The following SAMMSON variants were observed in gnomAD, a reference collection of about 807,000 sequenced individuals.
SAMMSON encodes long intergenic non-protein coding RNA 1212.
At chr3:70,366,492 G>GTTGT (rs1553659155) in intron 9 of SAMMSON, among the ~76,000 whole-genome samples, 1 of 100,758 alleles carries the variant, frequency 9.9e-6, no homozygotes, top group African/African-American at 3.6e-5. Flanking sequence ...GTGTTTTTAT[G>GTTGT]TTTTTTTTTT....
intron 2 of SAMMSON, among the ~76,000 whole-genome samples, chr3:70,426,928 T>C (rs959493315): frequency 1.3e-5 from 2 of 152,244 alleles, no homozygotes; most frequent in Non-Finnish European, 2.9e-5. Flanking sequence ...CATTTAACAT[T>C]TCTTAAATAA....
chr3:70,061,588 T>G (rs1172839139), intron 3 of SAMMSON, among the ~76,000 whole-genome samples: 1 of 152,044 alleles, frequency 6.6e-6, no homozygotes, highest in Non-Finnish European at 1.5e-5. Flanking sequence ...ATGTCTCCAG[T>G]TTGCCTCAAT....
intron 9 of SAMMSON, among the ~76,000 whole-genome samples, chr3:70,388,246 T>A (rs1030761944): frequency 6.6e-6 from 1 of 152,162 alleles, no homozygotes; most frequent in Admixed American, 6.6e-5. Flanking sequence ...AAATAACTTT[T>A]AATTAGAACA....
At chr3:70,299,897 A>G (rs756564337) in intron 7 of SAMMSON, among the ~76,000 whole-genome samples, 2 of 151,986 alleles carry the variant, frequency 1.3e-5, no homozygotes, top group African/African-American at 2.4e-5. Flanking sequence ...CCTTCATAAT[A>G]TAGCTAAGAT....
At chr3:70,157,313 C>G (rs189038357) in intron 4 of SAMMSON, among the ~76,000 whole-genome samples, 41 of 152,214 alleles carry the variant, frequency 2.7e-4, no homozygotes, top group African/African-American at 9.6e-4. Flanking sequence ...AAAAGTTACA[C>G]CTGAGCTGAC....
chr3:70,104,418 G>A (rs1054219559), intron 4 of SAMMSON, among the ~76,000 whole-genome samples: 23 of 151,948 alleles, frequency 1.5e-4, no homozygotes, highest in African/African-American at 4.4e-4. Flanking sequence ...TTCTCAGGGC[G>A]CCTGACAAGC....
At chr3:70,409,129 T>A (rs1400967288) in intron 2 of SAMMSON, among the ~76,000 whole-genome samples, 1 of 152,104 alleles carries the variant, frequency 6.6e-6, no homozygotes, top group Non-Finnish European at 1.5e-5. Flanking sequence ...ATTATAGGAG[T>A]ACAACTCAAG....
At chr3:70,207,974 G>A (rs575128648) in intron 4 of SAMMSON, among the ~76,000 whole-genome samples, 4 of 152,126 alleles carry the variant, frequency 2.6e-5, no homozygotes, top group South Asian at 2.1e-4. Flanking sequence ...TAAGACAGGC[G>A]TGGACCTTGA....
chr3:70,035,462 A>G (rs973648212), intron 3 of SAMMSON, among the ~76,000 whole-genome samples: 6 of 152,138 alleles, frequency 3.9e-5, no homozygotes, highest in African/African-American at 1.4e-4. Context: ...ATATCAGTAT[A>G]TAGATTGATG....
intron 6 of SAMMSON, among the ~76,000 whole-genome samples, chr3:70,278,060 A>T (rs922803155): frequency 7.9e-5 from 12 of 152,156 alleles, no homozygotes. Context: ...TCAAGATAAA[A>T]AACACTTCAG....
chr3:70,093,543 T>C (rs543025590), intron 4 of SAMMSON, among the ~76,000 whole-genome samples: 1 of 152,308 alleles, frequency 6.6e-6, no homozygotes, highest in South Asian at 2.1e-4. Context: ...AAAGAAACTG[T>C]CTTTAAGATA....
chr3:70,410,277 A>G (rs138963587), intron 2 of SAMMSON, among the ~76,000 whole-genome samples: 16 of 152,198 alleles, frequency 1.1e-4, no homozygotes, highest in African/African-American at 3.6e-4. Flanking sequence ...AAAACCAGGT[A>G]TAGTGTTCAT....
intron 4 of SAMMSON, among the ~76,000 whole-genome samples, chr3:70,130,633 G>A (rs2106673755): frequency 6.6e-6 from 1 of 152,080 alleles, no homozygotes; most frequent in South Asian, 2.1e-4. Context: ...CTCCCTCTTG[G>A]GATGCACACC....
chr3:70,280,262 T>C (rs1410137260), intron 6 of SAMMSON, among the ~76,000 whole-genome samples: 4 of 152,144 alleles, frequency 2.6e-5, no homozygotes, highest in Admixed American at 2.6e-4. Context: ...TGATTAAATT[T>C]AGGTGCCACT....
At chr3:70,138,940 G>A (rs959707025) in intron 4 of SAMMSON, among the ~76,000 whole-genome samples, 11 of 152,116 alleles carry the variant, frequency 7.2e-5, no homozygotes, top group African/African-American at 2.7e-4. Context: ...GGAGTGAAGT[G>A]GTGCAATCAT....
chr3:70,182,451 G>T (rs1180724213), intron 4 of SAMMSON, among the ~76,000 whole-genome samples: 4 of 152,130 alleles, frequency 2.6e-5, no homozygotes, highest in African/African-American at 9.7e-5. Context: ...TTTTATGGGG[G>T]GAGAGTGTTC....
At chr3:70,184,829 C>T (rs1024603836) in intron 4 of SAMMSON, among the ~76,000 whole-genome samples, 1 of 152,164 alleles carries the variant, frequency 6.6e-6, no homozygotes, top group African/African-American at 2.4e-5. Flanking sequence ...CAGCACACCA[C>T]ATTTTACCTC....
At position 70,316,365 on chromosome 3, in the gene SAMMSON, A is replaced by C. The variant is rs991975461; in HGVS notation, n.739+25122A>C. Among the ~76,000 whole-genome samples, 64 of 152,144 alleles carry C rather than the reference A, an allele frequency of 4.2e-4. 1 individual carries two copies. The highest frequency in any genetic ancestry group is 1.8e-4 in the Non-Finnish European group (12 of 68,012). ...ATAATGTAAGAAGATGAAATTAATC[A>C]ATGCGTAGGTATGTCACCAACTCAG... On this transcript the variant is annotated intron_variant and non_coding_transcript_variant, in intron 7 of 9. Transcript: ENST00000642114.
rs77937852 is a variant in SAMMSON at position 70,028,208 on chromosome 3, T to C, written n.417+14536T>C. 4.0e-5 allele frequency among the ~76,000 whole-genome samples: 6 copies of C among 151,334 alleles called. No individual in the cohort carries two copies. The East Asian group carries it at 7.8e-4, about 20-fold the overall frequency. On this transcript the variant is annotated intron_variant and non_coding_transcript_variant, in intron 3 of 9. Transcript: ENST00000642114. ...CTTCCTTTCTTTCTTTCTTTCTCTC[T>C]TTCTTTCTTTCTCTTTTTCTTTCTT...
Sources: gnomAD v4.1 joint callset for allele counts (sites outside exome capture counted in the v4.1 genomes callset) on GRCh38, gnomAD v4.1.1 for gene constraint, MANE v1.5 for transcripts, NCBI Gene and HGNC (gene_info 2026-07-23, HGNC 2026-07-21) for gene names.